Variants in FRAS1 observed in about 807,000 individuals in gnomAD.
FRAS1 encodes extracellular matrix organizing protein FRAS1.
In FRAS1, 290 loss-of-function variants were observed where a neutral mutation model predicts 435.2. The ratio of observed to expected loss-of-function variants is 0.67; its 90% CI spans 0.61 to 0.73. The LOEUF (loss-of-function observed/expected upper bound fraction) is 0.73. FRAS1 is among the 30% of genes least tolerant of loss of function. The pLI, the probability that FRAS1 is intolerant of heterozygous loss-of-function variation, is 0.00. For missense variants in FRAS1, 4,860 were observed against 5,001.5 expected, an observed-to-expected ratio of 0.97 and a Z score of 0.85; for synonymous variants, 1,800 against 1,851.0, an observed-to-expected ratio of 0.97 and a Z score of 0.71.
rs536394004 is a variant in FRAS1 at position 78,531,819 on chromosome 4, A to G, written c.10926-2630A>G. On this transcript the variant is annotated intron_variant, in intron 70 of 73. Coordinates refer to ENST00000512123, the MANE Select transcript of FRAS1 (RefSeq NM_025074.7). Reference sequence around the variant, plus strand: ...TTTACTATCTGGCTGTTCACAGAAAAGCTTTGTCAATCTCTCTGTTCTAGG... The same window carrying G: ...TTTACTATCTGGCTGTTCACAGAAAGGCTTTGTCAATCTCTCTGTTCTAGG... Among the ~76,000 whole-genome samples, 3 of 152,308 alleles carry G rather than the reference A, an allele frequency of 2.0e-5. No homozygotes were observed. In the South Asian group the frequency reaches 6.2e-4, roughly 32 times the overall value.
intron 30 of FRAS1, among the ~76,000 whole-genome samples, chr4:78,402,697 G>A (rs1560707199): frequency 6.6e-6 from 1 of 151,968 alleles, no homozygotes. Context: ...TTCAAATTTT[G>A]CCAGTTTTCC....
intron 2 of FRAS1, among the ~76,000 whole-genome samples, chr4:78,190,310 C>T (rs937788598): frequency 6.6e-6 from 1 of 152,168 alleles, no homozygotes; most frequent in Non-Finnish European, 1.5e-5. Flanking sequence ...AATACTCCCT[C>T]AGAAACCCCA....
chr4:78,373,633 C>T (rs982710678), intron 24 of FRAS1, among the ~76,000 whole-genome samples: 2 of 151,584 alleles, frequency 1.3e-5, no homozygotes, highest in South Asian at 2.1e-4. Context: ...CAAAATTAGC[C>T]GAGCATGGTG....
At position 78,374,234 on chromosome 4, in the gene FRAS1, C is replaced by A; in HGVS notation, c.3134C>A (p.Ala1045Glu). 1 of 1,595,810 alleles carries A rather than the reference C, an allele frequency of 6.3e-7. No individual in the cohort carries two copies. Among genetic ancestry groups the A allele is most frequent in the Non-Finnish European group, 8.6e-7 (1 of 1,167,762 alleles). The change falls in exon 25 of 74, where the codon GCA (alanine) becomes GAA (glutamate). Residue 1045 changes from alanine to glutamate, a missense_variant. Transcript: ENST00000512123. ...ECGKGYFADH[A>E]KHKCTACPQG... ...GGGAAGGGGTACTTTGCAGATCATG[C>A]AAAGCACAAATGCACAGGTAACTTG...
At chr4:78,428,722 G>T (rs777439741) in intron 35 of FRAS1, among the ~76,000 whole-genome samples, 2 of 152,280 alleles carry the variant, frequency 1.3e-5, no homozygotes, top group South Asian at 2.1e-4. Context: ...ATTGAATCAA[G>T]AAATATTTCC....
intron 2 of FRAS1, among the ~76,000 whole-genome samples, chr4:78,116,541 T>C (rs1237056599): frequency 6.6e-6 from 1 of 152,254 alleles, no homozygotes; most frequent in Non-Finnish European, 1.5e-5. Context: ...ATATTTAGGA[T>C]AATTAGCTCT....
chr4:78,319,751 T>C, intron 18 of FRAS1: 1 of 194,962 alleles, frequency 5.1e-6, no homozygotes, highest in Middle Eastern at 2.4e-3. Flanking sequence ...ACAGTAAGCA[T>C]GCTGCAAATT....
intron 30 of FRAS1, among the ~76,000 whole-genome samples, chr4:78,401,224 T>TGC (rs1732879826): frequency 6.6e-6 from 1 of 152,156 alleles, no homozygotes; most frequent in African/African-American, 2.4e-5. Flanking sequence ...GCTCTCAAAC[T>TGC]CTGTATTATA....
chr4:78,491,059 G>A (rs1720336123), intron 59 of FRAS1, among the ~76,000 whole-genome samples: 1 of 152,186 alleles, frequency 6.6e-6, no homozygotes, highest in South Asian at 2.1e-4. Flanking sequence ...AAATCTGGAA[G>A]AAATGGATAA....
chr4:78,432,632 T>G (rs1440063367), intron 38 of FRAS1, 28 bp downstream of exon 38: 1 of 1,534,764 alleles, frequency 6.5e-7, no homozygotes, highest in Admixed American at 1.9e-5. Context: ...CTGTGTTTGT[T>G]CTCCACCGCC....
At chr4:78,494,628 C>A (rs1720459636) in intron 59 of FRAS1, among the ~76,000 whole-genome samples, 1 of 152,110 alleles carries the variant, frequency 6.6e-6, no homozygotes, top group Non-Finnish European at 1.5e-5. Context: ...TTCCACCAGG[C>A]CCCACTTCCA....
intron 15 of FRAS1, among the ~76,000 whole-genome samples, chr4:78,309,027 C>T (rs1728908385): frequency 6.6e-6 from 1 of 152,142 alleles, no homozygotes; most frequent in Non-Finnish European, 1.5e-5. Flanking sequence ...AAGCCCCATG[C>T]AATCAATCAC....
intron 6 of FRAS1, among the ~76,000 whole-genome samples, chr4:78,256,198 T>A (rs1008226105): frequency 2.0e-5 from 3 of 152,322 alleles, no homozygotes; most frequent in African/African-American, 7.2e-5. Flanking sequence ...CAAAAGGCAA[T>A]TAGACAAGAA....
At chr4:78,270,235 C>T (rs565396175) in intron 9 of FRAS1, among the ~76,000 whole-genome samples, 1 of 152,228 alleles carries the variant, frequency 6.6e-6, no homozygotes, top group South Asian at 2.1e-4. Context: ...ATCCTTGTGC[C>T]CCAGGAGCAG....
chr4:78,175,302 C>A (rs926390854), intron 2 of FRAS1, among the ~76,000 whole-genome samples: 3 of 152,188 alleles, frequency 2.0e-5, no homozygotes, highest in African/African-American at 7.2e-5. Context: ...TTTTACTGTT[C>A]TTTTCTTGGT....
intron 19 of FRAS1, 126 bp downstream of exon 19, chr4:78,333,538 G>A (rs2110259288): frequency 3.1e-6 from 3 of 968,940 alleles, no homozygotes; most frequent in Non-Finnish European, 4.5e-6. Context: ...TCCTTGTCTT[G>A]AACTTGCAGA....
At chr4:78,229,124 G>A (rs1578196696) in intron 2 of FRAS1, among the ~76,000 whole-genome samples, 3 of 152,268 alleles carry the variant, frequency 2.0e-5, no homozygotes, top group South Asian at 4.1e-4. Context: ...GATGGACACT[G>A]GTTGAAATAT....
chr4:78,539,150 T>C (rs1337173969), intron 72 of FRAS1, 144 bp from the exon 73 acceptor site: 4 of 685,932 alleles, frequency 5.8e-6, no homozygotes, highest in Non-Finnish European at 9.4e-6. Flanking sequence ...CACTGACTTA[T>C]GGAGAGGGCT....
In FRAS1 at chr4:78,508,636, A is replaced by G. The variant is rs572910662; in HGVS notation, c.9505-95A>G. On this transcript the variant is annotated intron_variant, in intron 62 of 73. Transcript: ENST00000512123. The stretch of plus-strand genomic sequence containing the variant: ...GTTATATTTCAAAGAACCTGTAGAC[A>G]CTAAGAGATCTTGTGGATCTCTAAA... 45 of 1,276,640 alleles carry G rather than the reference A, an allele frequency of 3.5e-5. No homozygotes were observed. In the African/African-American group the frequency reaches 4.5e-4, roughly 13 times the overall value. 79.1% of individuals were successfully genotyped at this position (1,276,640 alleles called of 1,614,324 possible).
Sources: allele counts gnomAD v4.1 joint callset (sites outside exome capture counted in the v4.1 genomes callset), GRCh38; gene constraint gnomAD v4.1.1; transcripts MANE v1.5; gene names NCBI Gene and HGNC (gene_info 2026-07-23, HGNC 2026-07-21).